The following C4orf50 variants were observed in gnomAD, a reference collection of about 807,000 sequenced individuals.
C4orf50 encodes uncharacterized protein C4orf50.
Under a neutral mutation model 77.2 loss-of-function variants are expected in C4orf50, and 80 were observed. The observed-to-expected ratio is 1.04, with a 90% CI of 0.87 to 1.25. The LOEUF (loss-of-function observed/expected upper bound fraction) is 1.25. C4orf50 is among the 50% of genes most tolerant of loss of function. C4orf50 has a pLI of 0.00. For synonymous variants in C4orf50, 532 were observed against 465.3 expected (o/e 1.14, Z -1.84); for missense variants, 1,257 against 1,152.9 (o/e 1.09, Z -1.31).
intron 29 of C4orf50, among the ~76,000 whole-genome samples, chr4:5,978,319 C>T (rs1481449690): frequency 1.3e-5 from 2 of 151,874 alleles, no homozygotes; most frequent in African/African-American, 2.4e-5. Context: ...AAACTGAGAA[C>T]TATAAAAAAA....
At chr4:5,917,340 T>G (rs888291900) in intron 7 of C4orf50, among the ~76,000 whole-genome samples, 2 of 151,924 alleles carry the variant, frequency 1.3e-5, no homozygotes, top group Non-Finnish European at 2.9e-5. Flanking sequence ...ACATGATCCT[T>G]CTTAAAAAGA....
chr4:5,948,836 C>G (rs543606788), intron 7 of C4orf50, among the ~76,000 whole-genome samples: 63 of 151,382 alleles, frequency 4.2e-4, no homozygotes, highest in African/African-American at 1.5e-3. Flanking sequence ...TGGTGGACAC[C>G]TGTATTCCCA....
intron 7 of C4orf50, among the ~76,000 whole-genome samples, chr4:5,935,786 A>AAAAAAAAAAG (rs1717984589): frequency 7.8e-6 from 1 of 128,610 alleles, no homozygotes. Flanking sequence ...ACTCCGTCTA[A>AAAAAAAAAAG]AAAAAAAAAA....
chr4:5,925,580 A>T (rs1478474685), intron 7 of C4orf50, among the ~76,000 whole-genome samples: 2 of 152,224 alleles, frequency 1.3e-5, no homozygotes, highest in Non-Finnish European at 2.9e-5. Context: ...CCATGAGCAG[A>T]TCCTGTCCTT....
exon 28 of C4orf50, chr4:5,989,464 C>A (rs753765556): frequency 1.3e-6 from 2 of 1,535,970 alleles, no homozygotes; most frequent in African/African-American, 2.7e-5. Context: ...ACAAATACCC[C>A]AATTTCCCCA....
chr4:6,006,545 C>T (rs766507932), intron 25 of C4orf50, among the ~76,000 whole-genome samples: 6 of 152,192 alleles, frequency 3.9e-5, no homozygotes, highest in Non-Finnish European at 7.3e-5. Context: ...AAGGAAGATG[C>T]GAATATCACC....
chr4:5,917,142 C>T (rs1302326582), intron 7 of C4orf50, among the ~76,000 whole-genome samples: 1 of 152,114 alleles, frequency 6.6e-6, no homozygotes, highest in African/African-American at 2.4e-5. Context: ...TATCCTTATC[C>T]CACTGTTATA....
At chr4:5,948,544 C>T (rs918973672) in intron 7 of C4orf50, among the ~76,000 whole-genome samples, 8 of 152,066 alleles carry the variant, frequency 5.3e-5, no homozygotes, top group African/African-American at 1.7e-4. Flanking sequence ...CGCCTGTAAT[C>T]CCAGCACTTT....
intron 7 of C4orf50, among the ~76,000 whole-genome samples, chr4:5,931,873 C>T (rs1282552911): frequency 1.3e-5 from 2 of 152,114 alleles, no homozygotes; most frequent in Non-Finnish European, 2.9e-5. Flanking sequence ...TCCTTCTATT[C>T]ATTGATTCCA....
At chr4:5,946,335 T>C (rs1718481019) in intron 7 of C4orf50, among the ~76,000 whole-genome samples, 1 of 152,178 alleles carries the variant, frequency 6.6e-6, no homozygotes, top group Non-Finnish European at 1.5e-5. Flanking sequence ...CCAAAACCCC[T>C]AGACCTTCAA....
At chr4:5,952,789 C>T (rs374545344), downstream of C4orf50, among the ~76,000 whole-genome samples, 10 of 152,176 alleles carry the variant, frequency 6.6e-5, no homozygotes, top group African/African-American at 1.4e-4. The surrounding 1 kb of genome is among the most constrained non-coding windows in gnomAD (Gnocchi z 4.4). Flanking sequence ...GGAGCGTGCT[C>T]AGAGAGGCCA....
rs1236673744 is a variant in C4orf50 at position 6,015,605 on chromosome 4, TG to T, written c.287+2539del. Reference sequence around the variant, plus strand: ...CTGTGTGGGCTTTCTCGGGGTACCCTGGTCTCCTCCTGCAGCTGTAACACGT... The same window carrying T: ...CTGTGTGGGCTTTCTCGGGGTACCCTGTCTCCTCCTGCAGCTGTAACACGT... On this transcript the variant is annotated intron_variant, in intron 23 of 33. Transcript: ENST00000531445. The surrounding 1 kb of genome is among the most constrained non-coding windows in gnomAD (Gnocchi z 4.4). Among the ~76,000 whole-genome samples the T allele has an allele frequency of 6.6e-6, 1 of 152,150 alleles. No homozygotes were observed. Among genetic ancestry groups the T allele is most frequent in the Non-Finnish European group, 1.5e-5 (1 of 68,022 alleles).
chr4:5,923,864 C>A (rs892277259), intron 7 of C4orf50, among the ~76,000 whole-genome samples: 6 of 152,164 alleles, frequency 3.9e-5, no homozygotes, highest in African/African-American at 1.4e-4. Context: ...GAGAGGCAGA[C>A]CTACCCTCCA....
At position 5,947,511 on chromosome 4, in the gene C4orf50, G is replaced by A. The variant is rs1309561250; in HGVS notation, c.*2474+9390C>T. ...AATAATTCTGGCAACCAGGCGACCT[G>A]TCCATGCAGCCACGTGCAGAATGCA... On this transcript the variant is annotated intron_variant, in intron 7 of 7. Transcript: ENST00000324058. Among the ~76,000 whole-genome samples the A allele has an allele frequency of 2.6e-5, 4 of 152,224 alleles. No individual in the cohort carries two copies. The East Asian group carries it at 5.8e-4, about 22-fold the overall frequency.
At chr4:5,938,310 T>C (rs965095241) in intron 7 of C4orf50, among the ~76,000 whole-genome samples, 3 of 152,200 alleles carry the variant, frequency 2.0e-5, no homozygotes, top group Admixed American at 2.0e-4. Flanking sequence ...AAAGTATCCT[T>C]CTAAATGACT....
intron 7 of C4orf50, among the ~76,000 whole-genome samples, chr4:5,909,124 C>T (rs1314625967): frequency 6.6e-6 from 1 of 152,204 alleles, no homozygotes; most frequent in African/African-American, 2.4e-5. Flanking sequence ...TTTTAGGATG[C>T]AGCCTAACTT....
intron 7 of C4orf50, among the ~76,000 whole-genome samples, chr4:5,927,833 T>A (rs1249223870): frequency 6.6e-6 from 1 of 152,098 alleles, no homozygotes; most frequent in Non-Finnish European, 1.5e-5. Context: ...ATACACCCAT[T>A]CTTCATGCTT....
intron 7 of C4orf50, among the ~76,000 whole-genome samples, chr4:5,938,569 G>A (rs887030807): frequency 3.9e-5 from 5 of 128,464 alleles, no homozygotes; most frequent in African/African-American, 1.4e-4. Flanking sequence ...AGTTTACTAG[G>A]TCCCTTGAAC....
intron 32 of C4orf50, among the ~76,000 whole-genome samples, chr4:5,966,953 C>G (rs1157849215): frequency 6.6e-6 from 1 of 152,188 alleles, no homozygotes; most frequent in Non-Finnish European, 1.5e-5. Flanking sequence ...TGGCCCATAT[C>G]CTAACAGTTT....
Sources: gnomAD v4.1 joint callset for allele counts (sites outside exome capture counted in the v4.1 genomes callset) on GRCh38, gnomAD v4.1.1 for gene constraint, Gnocchi (gnomAD v3.1) non-coding constraint, MANE v1.5 for transcripts, NCBI Gene and HGNC (gene_info 2026-07-23, HGNC 2026-07-21) for gene names.